Variants in CEBPA observed in about 807,000 individuals in gnomAD.
CEBPA encodes CCAAT/enhancer-binding protein alpha.
In CEBPA, 2 loss-of-function variants were observed where a neutral mutation model predicts 5.1. That is an observed-to-expected ratio of 0.39 (90% CI 0.16 to 1.23). The LOEUF (loss-of-function observed/expected upper bound fraction) is 1.23. CEBPA is among the 50% of genes most tolerant of loss of function. The pLI, the probability that CEBPA is intolerant of heterozygous loss-of-function variation, is 0.34. For synonymous variants in CEBPA, 275 were observed against 264.1 expected (o/e 1.04, Z -0.40); for missense variants, 455 against 537.4 (o/e 0.85, Z 1.52).
In CEBPA at chr19:33,301,325, A is replaced by G. The variant is rs977188263; in HGVS notation, c.*13T>C. The G allele has an allele frequency of 5.1e-6, 8 of 1,581,036 alleles. No homozygotes were observed. The highest frequency in any genetic ancestry group is 6.8e-6 in the Non-Finnish European group (8 of 1,169,802). ...CCGGAGGCTGGCCCAGGGCGGTCCC[A>G]CAGCCGCGCGCCTCACGCGCAGTTG... On this transcript the variant is annotated 3_prime_UTR_variant, in exon 1 of 1. Transcript: ENST00000498907. This position sits in a 1 kb window ranked among gnomAD's most constrained non-coding sequence, Gnocchi z 6.0.
rs770636941 is a variant in CEBPA at position 33,302,351 on chromosome 19, G to T, written c.64C>A (p.Pro22Thr). 2 of 1,341,012 alleles carry T rather than the reference G, an allele frequency of 1.5e-6. No individual in the cohort carries two copies. Among genetic ancestry groups the T allele is most frequent in the Non-Finnish European group, 1.9e-6 (2 of 1,046,806 alleles). The allele number at this position is 1,341,012 out of a possible 1,614,324, so 83.1% of individuals were successfully genotyped here. A position where few individuals can be genotyped will look rare whatever the true frequency, so the allele number is the denominator to read the frequency against. The change falls in exon 1 of 1, where the codon CCC becomes ACC. Residue 22 changes from proline (P) to threonine (T), a missense_variant. Physicochemically the swap from Pro to Thr is conservative, Grantham distance 38. Coordinates refer to ENST00000498907, the MANE Select transcript of CEBPA (RefSeq NM_004364.5). ...GCGGCGCTGCTGGGCGCGTGCGGGG[G>T]GCTCTGCAGGTGGCTGCTCATCGGG... ...RPPMSSHLQS[P>T]PHAPSSAAFG... is the part of the protein sequence containing the mutation.
Position 33,302,374 on chromosome 19 carries a change from G to A in CEBPA, c.41C>T (p.Pro14Leu). 2 of 1,306,408 alleles carry A rather than the reference G, an allele frequency of 1.5e-6. No individual in the cohort carries two copies. Among genetic ancestry groups the A allele is most frequent in the Non-Finnish European group, 1.9e-6 (2 of 1,026,708 alleles). The allele number at this position is 1,306,408 out of a possible 1,614,324, so 80.9% of individuals were successfully genotyped here. A position where few individuals can be genotyped will look rare whatever the true frequency, so the allele number is the denominator to read the frequency against. Residue 14 changes from proline (P) to leucine (L), a missense_variant, in exon 1 of 1, where the codon CCG becomes CTG. By Grantham distance (98) the Pro-to-Leu change is moderately conservative. This residue lies in a region of CEBPA where 143 missense variants were observed against 153.9 expected (regional missense o/e 0.93). Transcript: ENST00000498907. ...ADFYEAEPRP[P>L]MSSHLQSPPH... Reference sequence around the variant, plus strand: ...GGGGCTCTGCAGGTGGCTGCTCATCGGGGGCCGCGGCTCCGCCTCGTAGAA... The same window carrying A: ...GGGGCTCTGCAGGTGGCTGCTCATCAGGGGCCGCGGCTCCGCCTCGTAGAA...
rs1324116336 is a variant in CEBPA at position 33,302,193 on chromosome 19, G to T, written c.222C>A (p.Asn74Lys). Residue 74 changes from asparagine to lysine, a missense_variant, in exon 1 of 1, where the codon AAC becomes AAA. Asn to Lys is a moderately conservative substitution (Grantham distance 94, BLOSUM62 0). Around this residue, in one of 5 missense-constraint regions of CEBPA, gnomAD observed 143 missense variants for 153.9 expected, o/e 0.93. Coordinates refer to ENST00000498907, the MANE Select transcript of CEBPA (RefSeq NM_004364.5). ...GGAACAGGTCGGCCAGGAACTCGTC[G>T]TTGAAGGCGGCCGGGTCGATGTAGG... ...ISAYIDPAAF[N>K]DEFLADLFQH... 4.0e-6 allele frequency: 6 copies of T among 1,495,444 alleles called. No individual in the cohort carries two copies. Among genetic ancestry groups the T allele is most frequent in the Admixed American group, 2.2e-5 (1 of 45,104 alleles). 92.6% of individuals were successfully genotyped at this position (1,495,444 alleles called of 1,614,324 possible).
rs1174625216 is a variant in CEBPA at position 33,300,730 on chromosome 19, G to A, written c.*608C>T. 2.6e-5 allele frequency: 6 copies of A among 234,420 alleles called. No homozygotes were observed. Among genetic ancestry groups the A allele is most frequent in the Non-Finnish European group, 5.1e-5 (6 of 118,650 alleles). 14.5% of individuals were successfully genotyped at this position (234,420 alleles called of 1,614,324 possible). On this transcript the variant is annotated 3_prime_UTR_variant, in exon 1 of 1. Transcript: ENST00000498907. ...AGCAGGCTGGGGTGGGGTGTGTGCG[G>A]AGGGAGGTGGGAGAGGCGTGGAACT... is the stretch of plus-strand genomic sequence containing the variant.
rs1182161658 is a variant in CEBPA at position 33,302,276 on chromosome 19, C to A, written c.139G>T (p.Ala47Ser). The change falls in exon 1 of 1, where the codon GCC (alanine) becomes TCC (serine). Residue 47 changes from alanine (A) to serine (S), a missense_variant. By Grantham distance (99) the Ala-to-Ser change is moderately conservative. Around this residue, in one of 5 missense-constraint regions of CEBPA, gnomAD observed 143 missense variants for 153.9 expected, o/e 0.93. Transcript: ENST00000498907. ...ATGCCGCCCAGCGGCTCCGGGGCGG[C>A]AGGTGGGGCGGGAGGCTGCGCGGGG... ...AGPAQPPAPP[A>S]APEPLGGICE... 2.7e-6 allele frequency: 4 copies of A among 1,484,420 alleles called. No homozygotes were observed. Among genetic ancestry groups the A allele is most frequent in the Non-Finnish European group, 3.6e-6 (4 of 1,113,520 alleles). 92.0% of individuals were successfully genotyped at this position (1,484,420 alleles called of 1,614,324 possible). A position where few individuals can be genotyped will look rare whatever the true frequency, so the allele number is the denominator to read the frequency against.
At position 33,300,995 on chromosome 19, in the gene CEBPA, C is replaced by T. The variant is rs1967143726; in HGVS notation, c.*343G>A. 1 of 364,028 alleles carries T rather than the reference C, an allele frequency of 2.7e-6. No homozygotes were observed. The highest frequency in any genetic ancestry group is 2.0e-5 in the African/African-American group (1 of 49,638). The allele number at this position is 364,028 out of a possible 1,614,324, so 22.5% of individuals were successfully genotyped here. A position where few individuals can be genotyped will look rare whatever the true frequency, so the allele number is the denominator to read the frequency against. The stretch of plus-strand genomic sequence containing the variant: ...GAAACCTCCAAATAAAATGACAAGG[C>T]ACGATTTGCTCCCCCTACTCAGTAG... On this transcript the variant is annotated 3_prime_UTR_variant, in exon 1 of 1. Coordinates refer to ENST00000498907, the MANE Select transcript of CEBPA (RefSeq NM_004364.5).
rs1967164835 is a variant in CEBPA, at chr19:33,301,547, C to G, written c.868G>C (p.Glu290Gln). 1 of 1,613,260 alleles carries G rather than the reference C, an allele frequency of 6.2e-7. No individual in the cohort carries two copies. ...TTGCGCACCGCGATGTTGTTGCGCT[C>G]GCGCCGCACCCGGTACTCGTTGCTG... ...KNSNEYRVRR[E>Q]RNNIAVRKSR... The change falls in exon 1 of 1, where the codon GAG becomes CAG. Residue 290 changes from glutamate to glutamine, a missense_variant. By Grantham distance (29) the Glu-to-Gln change is conservative. Coordinates refer to ENST00000498907, the MANE Select transcript of CEBPA (RefSeq NM_004364.5). The surrounding 1 kb of genome is among the most constrained non-coding windows in gnomAD (Gnocchi z 6.0).
Position 33,302,375 on chromosome 19 carries a change from G to A in CEBPA, c.40C>T (p.Pro14Ser). 1.5e-6 allele frequency: 2 copies of A among 1,307,300 alleles called. 1 individual carries two copies. 81.0% of individuals were successfully genotyped at this position (1,307,300 alleles called of 1,614,324 possible). ...GGGCTCTGCAGGTGGCTGCTCATCGGGGGCCGCGGCTCCGCCTCGTAGAAG... is the reference window on the plus strand; with the variant it reads ...GGGCTCTGCAGGTGGCTGCTCATCGAGGGCCGCGGCTCCGCCTCGTAGAAG... ...ADFYEAEPRP[P>S]MSSHLQSPPH... The change falls in exon 1 of 1, where the codon CCG becomes TCG. Residue 14 changes from proline to serine, a missense_variant. By Grantham distance (74) the Pro-to-Ser change is moderately conservative (BLOSUM62 -1). This residue lies in a region of CEBPA where 143 missense variants were observed against 153.9 expected (regional missense o/e 0.93). Transcript: ENST00000498907.
Position 33,300,988 on chromosome 19 carries a change from G to A in CEBPA, c.*350C>T, listed in dbSNP as rs1967143679. 2.8e-6 allele frequency: 1 copy of A among 353,816 alleles called. No homozygotes were observed. The highest frequency in any genetic ancestry group is 5.4e-5 in the South Asian group (1 of 18,580). 21.9% of individuals were successfully genotyped at this position (353,816 alleles called of 1,614,324 possible). A position where few individuals can be genotyped will look rare whatever the true frequency, so the allele number is the denominator to read the frequency against. ...GAGGCAGGAAACCTCCAAATAAAATGACAAGGCACGATTTGCTCCCCCTAC... is the reference window on the plus strand; with the variant it reads ...GAGGCAGGAAACCTCCAAATAAAATAACAAGGCACGATTTGCTCCCCCTAC... On this transcript the variant is annotated 3_prime_UTR_variant, in exon 1 of 1. Coordinates refer to ENST00000498907, the MANE Select transcript of CEBPA (RefSeq NM_004364.5).
In CEBPA at chr19:33,301,395, G is replaced by A. The variant is rs1226278699; in HGVS notation, c.1020C>T (p.Gly340=). 6.2e-7 allele frequency: 1 copy of A among 1,609,872 alleles called. No homozygotes were observed. The highest frequency in any genetic ancestry group is 1.1e-5 in the South Asian group (1 of 91,022). ...QLSRELDTLR[G]IFRQLPESSL... ...AGCTCTCTGGCAGCTGGCGGAAGAT[G>A]CCCCGCAGCGTGTCCAGTTCGCGGC... The change falls in exon 1 of 1, where the codon GGC becomes GGT. Residue 340 remains glycine (G), a synonymous_variant. Transcript: ENST00000498907. This position sits in a 1 kb window ranked among gnomAD's most constrained non-coding sequence, Gnocchi z 6.0.
chr19:33,302,216 A>G lies in CEBPA; in HGVS notation c.199T>C (p.Tyr67His). Residue 67 changes from tyrosine to histidine, a missense_variant, in exon 1 of 1, where the codon TAC becomes CAC. This residue lies in a region of CEBPA where 143 missense variants were observed against 153.9 expected (regional missense o/e 0.93). Coordinates refer to ENST00000498907, the MANE Select transcript of CEBPA (RefSeq NM_004364.5). ...TCGTTGAAGGCGGCCGGGTCGATGT[A>G]GGCGCTGATGTCGATGGACGTCTCG... is the stretch of plus-strand genomic sequence containing the variant. Reference protein sequence around the residue: ...EHETSIDISAYIDPAAFNDEF... With the variant: ...EHETSIDISAHIDPAAFNDEF... 1 of 1,499,140 alleles carries G rather than the reference A, an allele frequency of 6.7e-7. No individual in the cohort carries two copies. The highest frequency in any genetic ancestry group is 8.9e-7 in the Non-Finnish European group (1 of 1,121,684). The allele number at this position is 1,499,140 out of a possible 1,614,324, so 92.9% of individuals were successfully genotyped here.
In CEBPA at chr19:33,302,248, C is replaced by A; in HGVS notation, c.167G>T (p.Cys56Phe). The change falls in exon 1 of 1, where the codon TGC becomes TTC. Residue 56 changes from cysteine to phenylalanine, a missense_variant. Transcript: ENST00000498907. ...GATGTCGATGGACGTCTCGTGCTCG[C>A]AGATGCCGCCCAGCGGCTCCGGGGC... ...PAAPEPLGGI[C>F]EHETSIDISA... The A allele has an allele frequency of 6.7e-7, 1 of 1,489,920 alleles. No homozygotes were observed. The highest frequency in any genetic ancestry group is 9.0e-7 in the Non-Finnish European group (1 of 1,116,538). The allele number at this position is 1,489,920 out of a possible 1,614,324, so 92.3% of individuals were successfully genotyped here. A position where few individuals can be genotyped will look rare whatever the true frequency, so the allele number is the denominator to read the frequency against.
chr19:33,300,305 A>G lies in CEBPA; in HGVS notation c.*1033T>C, dbSNP rs34017519. 8.3e-4 allele frequency: 194 copies of G among 233,780 alleles called. 1 individual carries two copies. The East Asian group carries it at 0.011, about 14-fold the overall frequency. The allele number at this position is 233,780 out of a possible 1,614,324, so 14.5% of individuals were successfully genotyped here. A position where few individuals can be genotyped will look rare whatever the true frequency, so the allele number is the denominator to read the frequency against. ...GCAAAACCAAAACAAAACAAAAACC[A>G]AATAAAATGGTGGTTTAGCAGAGAC... On this transcript the variant is annotated 3_prime_UTR_variant, in exon 1 of 1. Coordinates refer to ENST00000498907, the MANE Select transcript of CEBPA (RefSeq NM_004364.5).
chr19:33,302,347 G>C lies in CEBPA; in HGVS notation c.68C>G (p.Pro23Arg). ...GAAGGCGGCGCTGCTGGGCGCGTGC[G>C]GGGGGCTCTGCAGGTGGCTGCTCAT... ...PPMSSHLQSP[P>R]HAPSSAAFGF... The change falls in exon 1 of 1, where the codon CCG becomes CGG. Residue 23 changes from proline (P) to arginine (R), a missense_variant. Physicochemically the swap from Pro to Arg is moderately radical, Grantham distance 103. This residue lies in a region of CEBPA where 143 missense variants were observed against 153.9 expected (regional missense o/e 0.93). Coordinates refer to ENST00000498907, the MANE Select transcript of CEBPA (RefSeq NM_004364.5). 5 of 1,346,734 alleles carry C rather than the reference G, an allele frequency of 3.7e-6. No homozygotes were observed. The highest frequency in any genetic ancestry group is 2.1e-4 in the Middle Eastern group (1 of 4,752). The allele number at this position is 1,346,734 out of a possible 1,614,324, so 83.4% of individuals were successfully genotyped here.
In CEBPA at chr19:33,301,486, G is replaced by A. The variant is rs768306446; in HGVS notation, c.929C>T (p.Thr310Met). The stretch of plus-strand genomic sequence containing the variant: ...GGTCAGCTCCAGCACCTTCTGCTGC[G>A]TCTCCACGTTGCGCTGCTTGGCCTT... The part of the protein sequence containing the change: ...RDKAKQRNVE[T>M]QQKVLELTSD... Residue 310 changes from threonine to methionine, a missense_variant, in exon 1 of 1, where the codon ACG becomes ATG. Transcript: ENST00000498907. The surrounding 1 kb of genome is among the most constrained non-coding windows in gnomAD (Gnocchi z 6.0). 2 of 1,613,548 alleles carry A rather than the reference G, an allele frequency of 1.2e-6. No homozygotes were observed. The highest frequency in any genetic ancestry group is 8.5e-7 in the Non-Finnish European group (1 of 1,179,888).
rs961496947 is a variant in CEBPA, at chr19:33,302,378, G to A, written c.37C>T (p.Pro13Ser). ...CTCTGCAGGTGGCTGCTCATCGGGGGCCGCGGCTCCGCCTCGTAGAAGTCG... is the reference window on the plus strand; with the variant it reads ...CTCTGCAGGTGGCTGCTCATCGGGGACCGCGGCTCCGCCTCGTAGAAGTCG... ...SADFYEAEPRPPMSSHLQSPP... is the reference protein window; with the variant it reads ...SADFYEAEPRSPMSSHLQSPP... Residue 13 changes from proline (P) to serine (S), a missense_variant, in exon 1 of 1, where the codon CCC (proline) becomes TCC (serine). Physicochemically the swap from Pro to Ser is moderately conservative, Grantham distance 74. Around this residue, in one of 5 missense-constraint regions of CEBPA, gnomAD observed 143 missense variants for 153.9 expected, o/e 0.93. Coordinates refer to ENST00000498907, the MANE Select transcript of CEBPA (RefSeq NM_004364.5). 4 of 1,306,896 alleles carry A rather than the reference G, an allele frequency of 3.1e-6. No homozygotes were observed. The highest frequency in any genetic ancestry group is 5.0e-5 in the South Asian group (2 of 40,008). 81.0% of individuals were successfully genotyped at this position (1,306,896 alleles called of 1,614,324 possible). A position where few individuals can be genotyped will look rare whatever the true frequency, so the allele number is the denominator to read the frequency against.
Position 33,301,835 on chromosome 19 carries a change from G to GGTGCGT in CEBPA, c.579_580insACGCAC (p.His193_Pro194insThrHis). 1.5e-6 allele frequency: 2 copies of GGTGCGT among 1,297,324 alleles called. No homozygotes were observed. The highest frequency in any genetic ancestry group is 2.0e-6 in the Non-Finnish European group (2 of 1,021,682). 80.4% of individuals were successfully genotyped at this position (1,297,324 alleles called of 1,614,324 possible). A position where few individuals can be genotyped will look rare whatever the true frequency, so the allele number is the denominator to read the frequency against. The stretch of plus-strand genomic sequence containing the variant: ...GCCAGGTGCGCGGGCGGCGGGTGCG[G>GGTGCGT]GTGCGGGTGCGAGGGCGGCGGCGGC... On this transcript the variant is annotated inframe_insertion, in exon 1 of 1. Transcript: ENST00000498907. This position sits in a 1 kb window ranked among gnomAD's most constrained non-coding sequence, Gnocchi z 6.0.
chr19:33,300,582 G>A lies in CEBPA; in HGVS notation c.*756C>T, dbSNP rs533138144. 1 of 233,712 alleles carries A rather than the reference G, an allele frequency of 4.3e-6. No individual in the cohort carries two copies. Among genetic ancestry groups the A allele is most frequent in the East Asian group, 6.0e-5 (1 of 16,704 alleles). 14.5% of individuals were successfully genotyped at this position (233,712 alleles called of 1,614,324 possible). ...TCTAGGTCTCCCTCTCCCACCAGGGGTATACATCCTCAGAGCTGACCCACG... is the reference window on the plus strand; with the variant it reads ...TCTAGGTCTCCCTCTCCCACCAGGGATATACATCCTCAGAGCTGACCCACG... On this transcript the variant is annotated 3_prime_UTR_variant, in exon 1 of 1. Coordinates refer to ENST00000498907, the MANE Select transcript of CEBPA (RefSeq NM_004364.5).
In CEBPA at chr19:33,301,368, G is replaced by A; in HGVS notation, c.1047C>T (p.Ser349=). The stretch of plus-strand genomic sequence containing the variant: ...CGCAGTTGCCCATGGCCTTGACCAA[G>A]GAGCTCTCTGGCAGCTGGCGGAAGA... ...RGIFRQLPES[S]LVKAMGNCA Residue 349 remains serine, a synonymous_variant, in exon 1 of 1, where the codon TCC becomes TCT. Coordinates refer to ENST00000498907, the MANE Select transcript of CEBPA (RefSeq NM_004364.5). The surrounding 1 kb of genome is among the most constrained non-coding windows in gnomAD (Gnocchi z 6.0). 1 of 1,605,884 alleles carries A rather than the reference G, an allele frequency of 6.2e-7. No homozygotes were observed. The highest frequency in any genetic ancestry group is 1.7e-4 in the Middle Eastern group (1 of 6,052).
Sources: gnomAD v4.1 joint callset for allele counts on GRCh38, gnomAD v4.1.1 for gene constraint, gnomAD v4.1.1 regional missense constraint, Gnocchi (gnomAD v3.1) non-coding constraint, MANE v1.5 for transcripts, NCBI Gene and HGNC (gene_info 2026-07-23, HGNC 2026-07-21) for gene names.